CCDC102B: variants seen among roughly 807,000 people sequenced by gnomAD.
CCDC102B encodes the protein coiled-coil domain-containing protein 102B.
In CCDC102B, 75 loss-of-function variants were observed where a neutral mutation model predicts 57.4. The observed-to-expected ratio is 1.31, with a 90% CI of 1.08 to 1.58. The LOEUF (loss-of-function observed/expected upper bound fraction) is 1.58. Among genes scored for constraint, CCDC102B ranks in the 40% most tolerant of loss-of-function variants. The pLI is 0.00. For missense variants in CCDC102B, 636 were observed against 582.6 expected, an observed-to-expected ratio of 1.09 and a Z score of -0.94; for synonymous variants, 206 against 201.9, an observed-to-expected ratio of 1.02 and a Z score of -0.17.
intron 6 of CCDC102B, among the ~76,000 whole-genome samples, chr18:68,917,939 A>G (rs2041133934): frequency 6.6e-6 from 1 of 152,122 alleles, no homozygotes; most frequent in Admixed American, 6.5e-5. Flanking sequence ...TACATAATAT[A>G]CCTATTTTAT....
intron 6 of CCDC102B, among the ~76,000 whole-genome samples, chr18:68,961,112 A>G (rs2050037360): frequency 6.6e-6 from 1 of 152,108 alleles, no homozygotes. Context: ...TTATTTATGT[A>G]GATTTGTTTA....
intron 4 of CCDC102B, among the ~76,000 whole-genome samples, chr18:68,860,675 A>G (rs1315155002): frequency 1.0e-5 from 1 of 100,248 alleles, no homozygotes; most frequent in Admixed American, 1.1e-4. Context: ...TCTCCTTGAA[A>G]TCTTGGCTCA....
intron 6 of CCDC102B, among the ~76,000 whole-genome samples, chr18:68,923,851 A>G (rs768070540): frequency 6.6e-6 from 1 of 152,120 alleles, no homozygotes; most frequent in African/African-American, 2.4e-5. Context: ...AGAGGTTCAT[A>G]ATAATGAATA....
Position 68,836,962 on chromosome 18 carries a change from T to G in CCDC102B, c.199T>G (p.Trp67Gly). 2 of 1,613,946 alleles carry G rather than the reference T, an allele frequency of 1.2e-6. No individual in the cohort carries two copies. The highest frequency in any genetic ancestry group is 1.7e-6 in the Non-Finnish European group (2 of 1,179,990). The change falls in exon 2 of 8, where the codon TGG (tryptophan) becomes GGG (glycine). Residue 67 changes from tryptophan (W) to glycine (G), a missense_variant. Transcript: ENST00000360242. ...FCAHSYNTNKWDICEELRLRE... is the reference protein window; with the variant it reads ...FCAHSYNTNKGDICEELRLRE... ...TGCTCACTCATATAACACCAACAAATGGGATATTTGTGAAGAACTTCGCCT... is the reference window on the plus strand; with the variant it reads ...TGCTCACTCATATAACACCAACAAAGGGGATATTTGTGAAGAACTTCGCCT...
chr18:68,853,840 TAA>T (rs2144845171), intron 4 of CCDC102B, among the ~76,000 whole-genome samples: 1 of 152,186 alleles, frequency 6.6e-6, no homozygotes, highest in East Asian at 1.9e-4. Context: ...ACACTTATAA[TAA>T]AGTGTGTGTT....
At chr18:68,888,979 A>G (rs2039980705) in intron 5 of CCDC102B, among the ~76,000 whole-genome samples, 1 of 150,528 alleles carries the variant, frequency 6.6e-6, no homozygotes, top group Non-Finnish European at 1.5e-5. Flanking sequence ...TACTCTATCA[A>G]TTTACACTTT....
At chr18:68,838,314 A>G (rs2144791179) in intron 2 of CCDC102B, 1 of 748,676 alleles carries the variant, frequency 1.3e-6, no homozygotes, top group South Asian at 6.0e-5. Flanking sequence ...TTGTCTTTCA[A>G]AAATGTTAAA....
intron 1 of CCDC102B, among the ~76,000 whole-genome samples, chr18:68,801,484 A>C (rs908808197): frequency 2.4e-4 from 36 of 152,296 alleles, no homozygotes; most frequent in African/African-American, 8.7e-4. Context: ...GTTGTGTGTC[A>C]TAAATATATT....
intron 1 of CCDC102B, among the ~76,000 whole-genome samples, chr18:68,823,003 G>A (rs2036755919): frequency 6.6e-6 from 1 of 152,054 alleles, no homozygotes; most frequent in African/African-American, 2.4e-5. Flanking sequence ...CTCCCCTGTA[G>A]CACAAATGGG....
chr18:69,004,104 T>C (rs1403157115), intron 6 of CCDC102B, among the ~76,000 whole-genome samples: 1 of 152,214 alleles, frequency 6.6e-6, no homozygotes, highest in Admixed American at 6.5e-5. Flanking sequence ...AAAGTTTCCA[T>C]CATCTATTTC....
chr18:68,798,866 G>A (rs866817149), intron 1 of CCDC102B, among the ~76,000 whole-genome samples: 4 of 151,842 alleles, frequency 2.6e-5, no homozygotes, highest in South Asian at 4.1e-4. Context: ...ATTTGCTTAC[G>A]TTTTCTGCAA....
chr18:68,806,669 A>G (rs917350405), intron 1 of CCDC102B, among the ~76,000 whole-genome samples: 2 of 152,184 alleles, frequency 1.3e-5, no homozygotes, highest in East Asian at 3.8e-4. Flanking sequence ...ATTTTGTCCA[A>G]TAGAAATATA....
intron 4 of CCDC102B, among the ~76,000 whole-genome samples, chr18:68,863,563 T>C (rs545976444): frequency 3.0e-4 from 45 of 152,034 alleles, no homozygotes; most frequent in African/African-American, 1.1e-3. Flanking sequence ...AATATTTAAA[T>C]AAAGAGAACT....
At chr18:68,866,984 T>C (rs373005252) in intron 4 of CCDC102B, 12 of 376,638 alleles carry the variant, frequency 3.2e-5, no homozygotes, top group African/African-American at 2.3e-4. Context: ...AGTGGTTATC[T>C]TGGTTCTTAC....
chr18:68,873,929 T>C (rs1331742767), intron 4 of CCDC102B, among the ~76,000 whole-genome samples: 1 of 150,024 alleles, frequency 6.7e-6, no homozygotes, highest in Non-Finnish European at 1.5e-5. Flanking sequence ...TTAAAATATA[T>C]GTCAATACAA....
intron 1 of CCDC102B, chr18:68,716,455 CAT>C (rs1427000338): frequency 1.3e-5 from 2 of 152,190 alleles, no homozygotes; most frequent in African/African-American, 4.8e-5. Flanking sequence ...CCACTAACCA[CAT>C]GTGGCTATTG....
At chr18:68,789,901 G>T (rs1341359303) in intron 2 of CCDC102B, among the ~76,000 whole-genome samples, 1 of 150,480 alleles carries the variant, frequency 6.6e-6, no homozygotes, top group Non-Finnish European at 1.5e-5. Context: ...AGGAGGAGAG[G>T]TTCTCTGCTT....
intron 2 of CCDC102B, among the ~76,000 whole-genome samples, chr18:68,789,564 CTTCATTTCA>C (rs1256218285): frequency 8.7e-5 from 13 of 149,992 alleles, no homozygotes; most frequent in African/African-American, 2.7e-4. Flanking sequence ...TCCCTTCTCG[CTTCATTTCA>C]TTCATTTCAT....
At chr18:68,767,131 T>C (rs2034495867) in intron 2 of CCDC102B, among the ~76,000 whole-genome samples, 2 of 152,356 alleles carry the variant, frequency 1.3e-5, no homozygotes, top group Non-Finnish European at 2.9e-5. Flanking sequence ...TTCACTGTTA[T>C]GTAGAACTTG....
Sources: gnomAD v4.1 joint callset for allele counts (sites outside exome capture counted in the v4.1 genomes callset) on GRCh38, gnomAD v4.1.1 for gene constraint, MANE v1.5 for transcripts, NCBI Gene and HGNC (gene_info 2026-07-23, HGNC 2026-07-21) for gene names.